The following KCNH1 variants were observed in gnomAD, a reference collection of about 807,000 sequenced individuals.
KCNH1 encodes voltage-gated delayed rectifier potassium channel KCNH1.
A neutral mutation model predicts 69.2 loss-of-function variants in KCNH1; 27 were observed. The observed-to-expected ratio is 0.39, with a 90% CI of 0.29 to 0.54. The LOEUF (loss-of-function observed/expected upper bound fraction) is 0.54. KCNH1 is among the 20% of genes least tolerant of loss of function. The probability of loss-of-function intolerance (pLI) is 0.68; values close to 1 mark genes in which losing one functional copy is unlikely to be tolerated. For synonymous variants in KCNH1, 456 were observed against 487.7 expected, an observed-to-expected ratio of 0.93 and a Z score of 0.86; for missense variants, 798 against 1,261.6, an observed-to-expected ratio of 0.63 and a Z score of 5.57.
chr1:210,917,020 T>C (rs981186680), intron 7 of KCNH1, among the ~76,000 whole-genome samples: 6 of 151,632 alleles, frequency 4.0e-5, no homozygotes, highest in Non-Finnish European at 8.8e-5. Flanking sequence ...TCATGGTGCG[T>C]GCCTATAAGC....
At chr1:210,847,829 G>A (rs911990388) in intron 7 of KCNH1, among the ~76,000 whole-genome samples, 5 of 151,244 alleles carry the variant, frequency 3.3e-5, no homozygotes, top group Non-Finnish European at 7.4e-5. Context: ...AAAAAAAAAA[G>A]AAATTTTTTA....
At chr1:210,684,641 G>A (rs1317783193) in intron 10 of KCNH1, among the ~76,000 whole-genome samples, 1 of 152,186 alleles carries the variant, frequency 6.6e-6, no homozygotes, top group African/African-American at 2.4e-5. Flanking sequence ...AAAGTCCCCA[G>A]GCAAGGCTAC....
At chr1:210,868,965 T>C (rs1686175770) in intron 7 of KCNH1, among the ~76,000 whole-genome samples, 1 of 152,148 alleles carries the variant, frequency 6.6e-6, no homozygotes, top group Admixed American at 6.6e-5. Context: ...GGTGAATAAT[T>C]CTGTCAGCTT....
At chr1:211,043,636 A>C (rs1038521881) in intron 5 of KCNH1, among the ~76,000 whole-genome samples, 2 of 152,160 alleles carry the variant, frequency 1.3e-5, no homozygotes, top group Non-Finnish European at 2.9e-5. Flanking sequence ...GGACATAACC[A>C]AAAAAGACTA....
chr1:210,912,392 C>T (rs181618041), intron 7 of KCNH1, among the ~76,000 whole-genome samples: 1 of 151,062 alleles, frequency 6.6e-6, no homozygotes, highest in Non-Finnish European at 1.5e-5. Flanking sequence ...GCAGTCAGGC[C>T]AACTTTTTTT....
chr1:211,018,678 T>G, intron 6 of KCNH1, 105 bp downstream of exon 6: 3 of 898,282 alleles, frequency 3.3e-6, no homozygotes. Flanking sequence ...GTTCTGGACA[T>G]CAGTCATGCT....
chr1:211,080,904 T>C (rs1041244048), intron 5 of KCNH1, among the ~76,000 whole-genome samples: 1 of 152,148 alleles, frequency 6.6e-6, no homozygotes, highest in East Asian at 1.9e-4. Flanking sequence ...GACATAGGCA[T>C]GGGCAAGGAC....
chr1:210,812,611 G>C (rs1480167466), intron 7 of KCNH1, among the ~76,000 whole-genome samples: 6 of 152,186 alleles, frequency 3.9e-5, no homozygotes, highest in Non-Finnish European at 8.8e-5. Context: ...ATTTGATTAG[G>C]ATGAACTGCT....
intron 10 of KCNH1, among the ~76,000 whole-genome samples, chr1:210,686,424 C>T (rs1681409660): frequency 6.6e-6 from 1 of 152,218 alleles, no homozygotes; most frequent in African/African-American, 2.4e-5. Flanking sequence ...ACTCCAATGG[C>T]CCTTTCTATG....
chr1:210,778,237 CAATAAG>C (rs1394078936), intron 9 of KCNH1, among the ~76,000 whole-genome samples: 1 of 152,142 alleles, frequency 6.6e-6, no homozygotes, highest in African/African-American at 2.4e-5. Flanking sequence ...ATGGAAGAAA[CAATAAG>C]AAGTTTCTTA....
intron 6 of KCNH1, among the ~76,000 whole-genome samples, chr1:210,947,916 C>T (rs180978529): frequency 9.2e-5 from 14 of 151,792 alleles, no homozygotes; most frequent in African/African-American, 2.9e-4. Flanking sequence ...CATAATAAAT[C>T]GAGATAATTG....
Position 210,797,032 on chromosome 1 carries a change from C to A in KCNH1, c.1915+476G>T, listed in dbSNP as rs183071694. On this transcript the variant is annotated intron_variant, in intron 9 of 10. Coordinates refer to ENST00000271751, the MANE Select transcript of KCNH1 (RefSeq NM_172362.3). ...ACCATGTCCCCTCTTGTGTTCCAGC[C>A]ACACTAAATAATTTGTAGTTCCCCA... Among the ~76,000 whole-genome samples the A allele has an allele frequency of 4.0e-3, 613 of 152,266 alleles. 4 individuals carry two copies. Among genetic ancestry groups the A allele is most frequent in the African/African-American group, 0.014 (576 of 41,556 alleles).
chr1:211,066,641 A>T (rs541205880), intron 5 of KCNH1, among the ~76,000 whole-genome samples: 9 of 152,314 alleles, frequency 5.9e-5, no homozygotes, highest in Non-Finnish European at 1.3e-4. Flanking sequence ...CACTCTTCAC[A>T]AATCTATGAG....
At chr1:210,852,145 T>C (rs557294816) in intron 7 of KCNH1, among the ~76,000 whole-genome samples, 1 of 152,248 alleles carries the variant, frequency 6.6e-6, no homozygotes, top group African/African-American at 2.4e-5. Context: ...ACAGAAAGCA[T>C]CTCTAAGGGG....
chr1:210,833,112 A>G (rs948238281), intron 7 of KCNH1, among the ~76,000 whole-genome samples: 4 of 152,038 alleles, frequency 2.6e-5, no homozygotes, highest in Non-Finnish European at 5.9e-5. Flanking sequence ...CAAGAATTTG[A>G]GTAAATGCAC....
At chr1:210,793,458 C>T (rs1308762877) in intron 9 of KCNH1, among the ~76,000 whole-genome samples, 1 of 152,232 alleles carries the variant, frequency 6.6e-6, no homozygotes, top group Non-Finnish European at 1.5e-5. Flanking sequence ...ATGTAATATA[C>T]ATTTCATATG....
intron 6 of KCNH1, among the ~76,000 whole-genome samples, chr1:210,966,978 A>G (rs553549449): frequency 6.6e-6 from 1 of 152,254 alleles, no homozygotes; most frequent in Non-Finnish European, 1.5e-5. Flanking sequence ...ATGCCCATCA[A>G]TGATAGACTG....
At chr1:210,931,728 A>G (rs1446613616) in intron 6 of KCNH1, among the ~76,000 whole-genome samples, 1 of 151,982 alleles carries the variant, frequency 6.6e-6, no homozygotes, top group Non-Finnish European at 1.5e-5. Context: ...CAGATATACA[A>G]TTCAGCAAAA....
intron 6 of KCNH1, among the ~76,000 whole-genome samples, chr1:210,929,659 G>A (rs576609965): frequency 2.0e-5 from 3 of 152,230 alleles, no homozygotes; most frequent in Non-Finnish European, 2.9e-5. Flanking sequence ...ATTCAACACA[G>A]TACTGGAAGT....
Sources: gnomAD v4.1 joint callset for allele counts (sites outside exome capture counted in the v4.1 genomes callset) on GRCh38, gnomAD v4.1.1 for gene constraint, MANE v1.5 for transcripts, NCBI Gene and HGNC (gene_info 2026-07-23, HGNC 2026-07-21) for gene names.